Variants in MAPK10 observed in about 807,000 individuals in gnomAD.
MAPK10 encodes the protein mitogen-activated protein kinase 10, also known as JNK3 alpha protein kinase.
Under a neutral mutation model 59.3 loss-of-function variants are expected in MAPK10, and 25 were observed. That is an observed-to-expected ratio of 0.42 (90% CI 0.31 to 0.59). The LOEUF (loss-of-function observed/expected upper bound fraction) is 0.59. Among genes scored for constraint, MAPK10 ranks in the 20% least tolerant of loss-of-function variants. MAPK10 has a pLI of 0.15. For missense variants in MAPK10, 351 were observed against 568.9 expected, an observed-to-expected ratio of 0.62 and a Z score of 3.90; for synonymous variants, 190 against 200.5, an observed-to-expected ratio of 0.95 and a Z score of 0.44.
At chr4:86,374,207 T>G (rs974871734) in intron 1 of MAPK10, among the ~76,000 whole-genome samples, 1 of 151,798 alleles carries the variant, frequency 6.6e-6, no homozygotes, top group African/African-American at 2.4e-5. Context: ...AGTTGAACAA[T>G]GAGAATACAT....
intron 1 of MAPK10, among the ~76,000 whole-genome samples, chr4:86,410,581 C>A (rs914570374): frequency 6.6e-6 from 1 of 152,090 alleles, no homozygotes; most frequent in African/African-American, 2.4e-5. Flanking sequence ...AGTTTCAGTA[C>A]CTGTTATTAG....
intron 3 of MAPK10, chr4:86,171,068 C>T (rs1166216554): frequency 6.6e-6 from 1 of 151,894 alleles, no homozygotes; most frequent in Non-Finnish European, 1.5e-5. Flanking sequence ...GGGACTCATT[C>T]GAAGCAGTGT....
intron 2 of MAPK10, among the ~76,000 whole-genome samples, chr4:86,290,407 C>T (rs1392421858): frequency 6.6e-6 from 1 of 152,196 alleles, no homozygotes; most frequent in Non-Finnish European, 1.5e-5. Context: ...TCTCTTTCTT[C>T]AGGTCTTTAC....
chr4:86,307,328 G>C (rs1584415386), intron 2 of MAPK10, among the ~76,000 whole-genome samples: 2 of 152,146 alleles, frequency 1.3e-5, no homozygotes, highest in African/African-American at 4.8e-5. Flanking sequence ...GAGGTACTTA[G>C]AGTGATGAAA....
intron 9 of MAPK10, chr4:86,081,536 C>T (rs184804683): frequency 2.0e-5 from 3 of 151,996 alleles, no homozygotes; most frequent in African/African-American, 7.2e-5. Flanking sequence ...TGTGTTCATT[C>T]TTTGTTTATA....
At chr4:86,166,686 A>C in intron 3 of MAPK10, among the ~76,000 whole-genome samples, 1 of 152,154 alleles carries the variant, frequency 6.6e-6, no homozygotes, top group South Asian at 2.1e-4. Context: ...TGCTCCATGA[A>C]TATCCATGTG....
At chr4:86,085,558 C>A (rs1482452514) in intron 9 of MAPK10, among the ~76,000 whole-genome samples, 1 of 152,112 alleles carries the variant, frequency 6.6e-6, no homozygotes, top group Non-Finnish European at 1.5e-5. Context: ...TATCATCTCA[C>A]CCCGGTTAAA....
At chr4:86,127,211 A>C (rs2060216585) in intron 4 of MAPK10, among the ~76,000 whole-genome samples, 1 of 151,880 alleles carries the variant, frequency 6.6e-6, no homozygotes, top group Non-Finnish European at 1.5e-5. Flanking sequence ...AATTAAAAAA[A>C]AAAAAAAAAA....
At chr4:86,102,398 G>T (rs898429365) in intron 6 of MAPK10, 1 of 177,004 alleles carries the variant, frequency 5.6e-6, no homozygotes, top group African/African-American at 2.4e-5. Context: ...AAGACAAGGT[G>T]CTAGGGAATC....
At chr4:86,551,668 C>T (rs984663687) in intron 1 of MAPK10, among the ~76,000 whole-genome samples, 2 of 151,834 alleles carry the variant, frequency 1.3e-5, no homozygotes, top group African/African-American at 2.4e-5. Flanking sequence ...TGCAGTGCTG[C>T]GATCTTGGCT....
intron 1 of MAPK10, among the ~76,000 whole-genome samples, chr4:86,502,668 C>T (rs1755416058): frequency 6.6e-6 from 1 of 152,046 alleles, no homozygotes; most frequent in Admixed American, 6.6e-5. Flanking sequence ...GTCAAATTAA[C>T]TTTCCCACTA....
intron 2 of MAPK10, among the ~76,000 whole-genome samples, chr4:86,218,076 A>G (rs917246445): frequency 2.6e-5 from 4 of 152,218 alleles, no homozygotes; most frequent in Admixed American, 1.3e-4. Context: ...AACAGTATCT[A>G]TTCTGAGTGA....
chr4:86,170,059 A>G (rs2073558286), intron 3 of MAPK10, among the ~76,000 whole-genome samples: 2 of 152,156 alleles, frequency 1.3e-5, no homozygotes, highest in African/African-American at 4.8e-5. Flanking sequence ...TCCTGAAGGA[A>G]GCGCTAAACA....
At chr4:86,190,809 C>T (rs529485580) in intron 3 of MAPK10, among the ~76,000 whole-genome samples, 2 of 152,184 alleles carry the variant, frequency 1.3e-5, no homozygotes, top group South Asian at 4.2e-4. Context: ...TTTACTCTTG[C>T]TTCTCTAGTT....
chr4:86,502,386 G>GGATTTCTT (rs1755394828), intron 1 of MAPK10, among the ~76,000 whole-genome samples: 1 of 151,938 alleles, frequency 6.6e-6, no homozygotes, highest in Non-Finnish European at 1.5e-5. Context: ...TTTCTTGCTT[G>GGATTTCTT]GATTTCTTGC....
At position 86,017,333 on chromosome 4, in the gene MAPK10, G is replaced by T. The variant is rs1388408974; in HGVS notation, c.1290C>A (p.Ser430=). 1 of 1,614,142 alleles carries T rather than the reference G, an allele frequency of 6.2e-7. No individual in the cohort carries two copies. Residue 430 remains serine (S), a synonymous_variant, in exon 14 of 14, where the codon TCC becomes TCA. Coordinates refer to ENST00000641462, the MANE Select transcript of MAPK10 (RefSeq NM_138982.4). This position sits in a 1 kb window ranked among gnomAD's most constrained non-coding sequence, Gnocchi z 4.4. ...TGGAGGAGATGTCATTGACAGACGAGGATGGAGGGAGACTCTCACTGCTGT... is the reference window on the plus strand; with the variant it reads ...TGGAGGAGATGTCATTGACAGACGATGATGGAGGGAGACTCTCACTGCTGT... ...AVNSSESLPP[S]SSVNDISSMS... is the part of the protein sequence containing the mutation.
At chr4:86,240,278 G>A (rs374552362) in intron 2 of MAPK10, among the ~76,000 whole-genome samples, 3 of 152,110 alleles carry the variant, frequency 2.0e-5, no homozygotes, top group East Asian at 1.9e-4. Context: ...TTATGTGGTC[G>A]ATTTTAGAAT....
intron 2 of MAPK10, among the ~76,000 whole-genome samples, chr4:86,257,429 A>C (rs910881908): frequency 1.3e-5 from 2 of 152,206 alleles, no homozygotes; most frequent in African/African-American, 4.8e-5. Context: ...AGTCTAGCAG[A>C]ATGTCTTAAA....
At chr4:86,157,777 T>TTC (rs34554284) in intron 4 of MAPK10, among the ~76,000 whole-genome samples, 69,595 of 151,756 alleles carry the variant, frequency 0.46, 20,191 homozygotes, top group African/African-American at 0.83. Context: ...GTTCAAATCT[T>TTC]TGTGATAATC....
Sources: allele counts gnomAD v4.1 joint callset (sites outside exome capture counted in the v4.1 genomes callset), GRCh38; gene constraint gnomAD v4.1.1; non-coding constraint Gnocchi (gnomAD v3.1); transcripts MANE v1.5; gene names NCBI Gene and HGNC (gene_info 2026-07-23, HGNC 2026-07-21).